Variants in IPCEF1 observed in about 807,000 individuals in gnomAD.
IPCEF1 encodes the protein interaction protein for cytohesin exchange factors 1, also known as interactor protein for cytohesin exchange factors 1.
In IPCEF1, 31 loss-of-function variants were observed where a neutral mutation model predicts 50.9. That is an observed-to-expected ratio of 0.61 (90% CI 0.46 to 0.82). The LOEUF is 0.82. Ranked by LOEUF, IPCEF1 falls within the 40% of genes least tolerant of loss-of-function variation. The pLI is 0.00. For missense variants in IPCEF1, 458 were observed against 514.0 expected (o/e 0.89, Z 1.05); for synonymous variants, 181 against 192.0 (o/e 0.94, Z 0.47).
chr6:154,327,416 A>G lies in IPCEF1; in HGVS notation c.-62+29256T>C, dbSNP rs933746358. Among the ~76,000 whole-genome samples, 12 of 152,306 alleles carry G rather than the reference A, an allele frequency of 7.9e-5. 1 individual carries two copies. Among genetic ancestry groups the G allele is most frequent in the Admixed American group, 1.3e-4 (2 of 15,290 alleles). Reference sequence around the variant, plus strand: ...AAAAAGTAGACAAAGAACATGAATAAACACTTCTCAAAAGAAGATGTACAT... The same window carrying G: ...AAAAAGTAGACAAAGAACATGAATAGACACTTCTCAAAAGAAGATGTACAT... On this transcript the variant is annotated intron_variant, in intron 1 of 11. Transcript: ENST00000367220.
intron 1 of IPCEF1, among the ~76,000 whole-genome samples, chr6:154,295,128 G>A (rs1562583124): frequency 6.6e-6 from 1 of 152,094 alleles, no homozygotes. Flanking sequence ...AAACCAGGAG[G>A]CGGGGATTGC....
chr6:154,220,886 A>G (rs1315845688), intron 7 of IPCEF1, among the ~76,000 whole-genome samples: 5 of 152,252 alleles, frequency 3.3e-5, no homozygotes, highest in Admixed American at 3.3e-4. Flanking sequence ...CACACAGCAT[A>G]TATTAAACGC....
intron 10 of IPCEF1, among the ~76,000 whole-genome samples, chr6:154,189,440 T>C (rs760579471): frequency 1.3e-5 from 2 of 152,098 alleles, no homozygotes; most frequent in Admixed American, 6.6e-5. Flanking sequence ...AGAATTTTCA[T>C]TAAGAGCATT....
intron 1 of IPCEF1, among the ~76,000 whole-genome samples, chr6:154,293,711 G>A (rs1293759357): frequency 6.6e-6 from 1 of 152,096 alleles, no homozygotes; most frequent in Non-Finnish European, 1.5e-5. Flanking sequence ...CTTTTGAATT[G>A]GCATATTATG....
chr6:154,212,669 A>G lies in IPCEF1; in HGVS notation c.537+101T>C, dbSNP rs1033883725. 5.3e-6 allele frequency: 4 copies of G among 750,164 alleles called. No homozygotes were observed. The Admixed American group carries it at 1.0e-4, about 20-fold the overall frequency. The allele number at this position is 750,164 out of a possible 1,614,324, so 46.5% of individuals were successfully genotyped here. ...GTTGGCAGGTATCTTAATTTAGCCCATTCTAAAAATTTATTGGTCAAGCTA... is the reference window on the plus strand; with the variant it reads ...GTTGGCAGGTATCTTAATTTAGCCCGTTCTAAAAATTTATTGGTCAAGCTA... On this transcript the variant is annotated intron_variant, in intron 9 of 11. Transcript: ENST00000367220.
At chr6:154,225,283 A>G (rs1397694748) in intron 5 of IPCEF1, among the ~76,000 whole-genome samples, 1 of 152,194 alleles carries the variant, frequency 6.6e-6, no homozygotes, top group Admixed American at 6.5e-5. Context: ...AGGGTACTCA[A>G]ATACATGTGC....
chr6:154,169,723 C>G (rs1392514830), intron 10 of IPCEF1, among the ~76,000 whole-genome samples: 1 of 152,178 alleles, frequency 6.6e-6, no homozygotes, highest in Non-Finnish European at 1.5e-5. Context: ...TGAAGCCACT[C>G]CACCACAGGA....
chr6:154,332,340 C>T (rs1046448121), intron 1 of IPCEF1, among the ~76,000 whole-genome samples: 1 of 149,996 alleles, frequency 6.7e-6, no homozygotes, highest in African/African-American at 2.5e-5. Flanking sequence ...TGCTATGTTG[C>T]CCAGGCTGGT....
intron 1 of IPCEF1, among the ~76,000 whole-genome samples, chr6:154,332,592 CTG>C (rs1417617869): frequency 6.6e-6 from 1 of 152,164 alleles, no homozygotes; most frequent in Admixed American, 6.5e-5. Context: ...TCACATAAAA[CTG>C]GGGATTCCAG....
chr6:154,354,745 C>T (rs948876148), intron 1 of IPCEF1, among the ~76,000 whole-genome samples: 1 of 152,112 alleles, frequency 6.6e-6, no homozygotes, highest in Non-Finnish European at 1.5e-5. Context: ...TTCTTTACTC[C>T]ACACCTTCAT....
At chr6:154,295,122 C>T (rs146368693) in intron 1 of IPCEF1, among the ~76,000 whole-genome samples, 2,732 of 152,026 alleles carry the variant, frequency 0.018, 83 homozygotes, top group African/African-American at 0.063. Context: ...GGCGTGAAAC[C>T]AGGAGGCGGG....
intron 1 of IPCEF1, among the ~76,000 whole-genome samples, chr6:154,309,912 T>C (rs1881176): frequency 0.78 from 119,032 of 151,644 alleles, 47,388 homozygotes; most frequent in African/African-American, 0.9. Context: ...TACAGGCGCA[T>C]GCCACCACGC....
In IPCEF1 at chr6:154,238,743, AC is replaced by A. The variant is rs1750097908; in HGVS notation, c.246+7847del. 2.0e-5 allele frequency among the ~76,000 whole-genome samples: 3 copies of A among 151,708 alleles called. No individual in the cohort carries two copies. The South Asian group carries it at 6.3e-4, about 32-fold the overall frequency. On this transcript the variant is annotated intron_variant, in intron 5 of 11. Transcript: ENST00000367220. ...GCTGTTTTTTAAGAGATGGGGTCTC[AC>A]CATGTTGACCAAACTGGTCTCAAAC... is the stretch of plus-strand genomic sequence containing the variant.
intron 10 of IPCEF1, among the ~76,000 whole-genome samples, chr6:154,191,849 T>G (rs1191516745): frequency 1.3e-5 from 2 of 152,236 alleles, no homozygotes; most frequent in Non-Finnish European, 2.9e-5. Context: ...AGGGGGTATA[T>G]GTAAACTCTG....
intron 3 of IPCEF1, among the ~76,000 whole-genome samples, chr6:154,259,636 G>A (rs999737258): frequency 3.9e-5 from 6 of 152,024 alleles, no homozygotes; most frequent in East Asian, 1.9e-4. Context: ...TGGGCAATAA[G>A]AGCGAAACTC....
At chr6:154,297,093 C>G (rs1235929484) in intron 1 of IPCEF1, among the ~76,000 whole-genome samples, 1 of 151,932 alleles carries the variant, frequency 6.6e-6, no homozygotes, top group Non-Finnish European at 1.5e-5. Context: ...TGTCACCCAG[C>G]CTGGCATGAT....
chr6:154,246,806 G>T, intron 4 of IPCEF1, 46 bp from the exon 5 acceptor site: 1 of 1,591,162 alleles, frequency 6.3e-7, no homozygotes, highest in Non-Finnish European at 8.6e-7. Flanking sequence ...ACCCTGATTT[G>T]GTAGGTAAAG....
chr6:154,256,592 T>A (rs1000235607), intron 3 of IPCEF1, among the ~76,000 whole-genome samples: 2 of 151,198 alleles, frequency 1.3e-5, no homozygotes, highest in African/African-American at 2.4e-5. Flanking sequence ...TGTGTCTCTC[T>A]CACACACACA....
chr6:154,338,498 C>A (rs1783835610), intron 1 of IPCEF1, among the ~76,000 whole-genome samples: 1 of 152,146 alleles, frequency 6.6e-6, no homozygotes, highest in Non-Finnish European at 1.5e-5. Context: ...AAGAGAAGGT[C>A]TTTAAATTGT....
Sources: allele counts gnomAD v4.1 joint callset (sites outside exome capture counted in the v4.1 genomes callset), GRCh38; gene constraint gnomAD v4.1.1; transcripts MANE v1.5; gene names NCBI Gene and HGNC (gene_info 2026-07-23, HGNC 2026-07-21).